CCSER1: variants seen among roughly 807,000 people sequenced by gnomAD.
CCSER1 encodes serine-rich coiled-coil domain-containing protein 1.
A neutral mutation model predicts 82.0 loss-of-function variants in CCSER1; 41 were observed. That is an observed-to-expected ratio of 0.50 (90% CI 0.39 to 0.65). The LOEUF is 0.65. Ranked by LOEUF, CCSER1 falls within the 30% of genes least tolerant of loss-of-function variation. CCSER1 has a pLI of 0.00. For missense variants in CCSER1, 1,119 were observed against 1,064.2 expected (o/e 1.05, Z -0.72); for synonymous variants, 414 against 383.9 (o/e 1.08, Z -0.92).
At chr4:90,828,544 G>A (rs939775838) in intron 8 of CCSER1, among the ~76,000 whole-genome samples, 2 of 152,068 alleles carry the variant, frequency 1.3e-5, no homozygotes, top group Non-Finnish European at 2.9e-5. Context: ...ATTTAGTTTC[G>A]TATCACTTTA....
chr4:90,644,522 C>T (rs989051157), intron 6 of CCSER1, among the ~76,000 whole-genome samples: 1 of 151,928 alleles, frequency 6.6e-6, no homozygotes, highest in East Asian at 1.9e-4. Flanking sequence ...AGGTTTGTTA[C>T]ATAGATAAAC....
intron 10 of CCSER1, among the ~76,000 whole-genome samples, chr4:91,360,580 G>T (rs528307992): frequency 6.6e-6 from 1 of 151,752 alleles, no homozygotes; most frequent in African/African-American, 2.4e-5. Flanking sequence ...CCAGATCCCT[G>T]TGTTTTGGAT....
chr4:90,861,928 T>TATATATATATATATATATATATATA (rs1561265442), intron 8 of CCSER1, among the ~76,000 whole-genome samples: 6 of 109,360 alleles, frequency 5.5e-5, no homozygotes, highest in African/African-American at 1.7e-4. Context: ...ATATATATAT[T>TATATATATATATATATATATATATA]TTTTTTTTCT....
intron 10 of CCSER1, among the ~76,000 whole-genome samples, chr4:91,442,567 G>C (rs1421971821): frequency 7.3e-6 from 1 of 136,806 alleles, no homozygotes; most frequent in Non-Finnish European, 1.6e-5. Flanking sequence ...CATGGGCAAG[G>C]ACTTCATGTC....
At chr4:91,193,778 A>T (rs983862468) in intron 10 of CCSER1, among the ~76,000 whole-genome samples, 1 of 151,458 alleles carries the variant, frequency 6.6e-6, no homozygotes, top group Admixed American at 6.6e-5. Context: ...CCCATTGCTT[A>T]TATGTCTTTA....
rs557878452 is a variant in CCSER1 at position 91,341,887 on chromosome 4, A to G, written c.2217+255893A>G. ...TGCATTTCTTTTACTTGGAAAATAT[A>G]AAGACTTTTACCAGGACTTTTGGCA... is the stretch of plus-strand genomic sequence containing the variant. On this transcript the variant is annotated intron_variant, in intron 10 of 10. Coordinates refer to ENST00000509176, the MANE Select transcript of CCSER1 (RefSeq NM_001145065.2). Among the ~76,000 whole-genome samples the G allele has an allele frequency of 5.3e-5, 8 of 152,334 alleles. No homozygotes were observed. In the South Asian group the frequency reaches 1.7e-3, roughly 32 times the overall value.
At chr4:91,450,558 T>G (rs776454537) in intron 10 of CCSER1, among the ~76,000 whole-genome samples, 1 of 152,058 alleles carries the variant, frequency 6.6e-6, no homozygotes, top group Non-Finnish European at 1.5e-5. Flanking sequence ...GCCCTACAAT[T>G]GTCCTGGCTT....
intron 1 of CCSER1, among the ~76,000 whole-genome samples, chr4:90,243,322 C>T (rs942341709): frequency 6.6e-6 from 1 of 151,916 alleles, no homozygotes; most frequent in Non-Finnish European, 1.5e-5. Context: ...AATCTAGACT[C>T]ACTGCAACCT....
intron 10 of CCSER1, among the ~76,000 whole-genome samples, chr4:91,391,248 ACT>A (rs1480931276): frequency 1.3e-5 from 2 of 151,606 alleles, no homozygotes; most frequent in African/African-American, 4.8e-5. Context: ...ATTATATTTC[ACT>A]CTCATCTAGT....
At chr4:91,356,975 A>G (rs1560608996) in intron 10 of CCSER1, among the ~76,000 whole-genome samples, 1 of 146,262 alleles carries the variant, frequency 6.8e-6, no homozygotes, top group Admixed American at 6.7e-5. Context: ...AGGGTCTCTA[A>G]CCTGCCAACC....
Position 90,308,833 on chromosome 4 carries a change from A to G in CCSER1, c.549A>G (p.Lys183=). The change falls in exon 2 of 11, where the codon AAA becomes AAG. Residue 183 remains lysine (K), a synonymous_variant. Transcript: ENST00000509176. ...VKQSTRKLLP[K]SFSSHYKFSK... is the part of the protein sequence containing the mutation. Reference sequence around the variant, plus strand: ...AGTCAACAAGGAAGCTACTCCCTAAATCTTTTTCATCTCACTATAAATTTT... The same window carrying G: ...AGTCAACAAGGAAGCTACTCCCTAAGTCTTTTTCATCTCACTATAAATTTT... The G allele has an allele frequency of 6.2e-7, 1 of 1,613,756 alleles. No individual in the cohort carries two copies. Among genetic ancestry groups the G allele is most frequent in the Non-Finnish European group, 8.5e-7 (1 of 1,179,804 alleles).
At chr4:90,261,107 G>A (rs1045422505) in intron 1 of CCSER1, among the ~76,000 whole-genome samples, 7 of 151,910 alleles carry the variant, frequency 4.6e-5, no homozygotes, top group African/African-American at 1.7e-4. Context: ...ATTGAGATAC[G>A]AAGTACTGTT....
chr4:91,539,745 GTCTA>G (rs979984115), intron 10 of CCSER1, among the ~76,000 whole-genome samples: 59 of 152,124 alleles, frequency 3.9e-4, no homozygotes, highest in African/African-American at 8.4e-4. Context: ...TCTGTAATCA[GTCTA>G]TCTATCACCA....
intron 5 of CCSER1, among the ~76,000 whole-genome samples, chr4:90,519,133 A>G (rs1200305714): frequency 6.6e-6 from 1 of 151,912 alleles, no homozygotes; most frequent in Non-Finnish European, 1.5e-5. Context: ...AACTTTCGCC[A>G]TAACTTCTAA....
chr4:90,855,829 T>C (rs564769128), intron 8 of CCSER1, among the ~76,000 whole-genome samples: 4 of 152,300 alleles, frequency 2.6e-5, no homozygotes, highest in African/African-American at 9.6e-5. Context: ...AGTTAGAGTT[T>C]AGCATTATTC....
chr4:90,220,324 A>G (rs926749642), intron 1 of CCSER1, among the ~76,000 whole-genome samples: 1 of 152,148 alleles, frequency 6.6e-6, no homozygotes, highest in Admixed American at 6.5e-5. Flanking sequence ...CAAAACATTT[A>G]ATTTCATCAC....
chr4:90,343,230 A>T (rs1579289585), intron 3 of CCSER1, among the ~76,000 whole-genome samples: 1 of 152,142 alleles, frequency 6.6e-6, no homozygotes, highest in East Asian at 1.9e-4. Flanking sequence ...CCTTTTAATT[A>T]TAAAGTCTTA....
chr4:91,116,337 G>T (rs374351206), intron 10 of CCSER1, among the ~76,000 whole-genome samples: 8 of 152,260 alleles, frequency 5.3e-5, no homozygotes, highest in African/African-American at 1.9e-4. Flanking sequence ...GAAAATCCAG[G>T]AACTCACAGT....
chr4:90,223,856 A>G (rs376012542), intron 1 of CCSER1, among the ~76,000 whole-genome samples: 3 of 152,210 alleles, frequency 2.0e-5, no homozygotes, highest in Non-Finnish European at 4.4e-5. Context: ...TATTTGTCCT[A>G]TGGGAGAGGA....
Sources: allele counts gnomAD v4.1 joint callset (sites outside exome capture counted in the v4.1 genomes callset), GRCh38; gene constraint gnomAD v4.1.1; transcripts MANE v1.5; gene names NCBI Gene and HGNC (gene_info 2026-07-23, HGNC 2026-07-21).